The following LARP4B variants were observed in gnomAD, a reference collection of about 807,000 sequenced individuals.
LARP4B encodes the protein la-related protein 4B.
LARP4B carries 12 observed loss-of-function variants against 89.8 expected under a neutral mutation model. That is an observed-to-expected ratio of 0.13 (90% CI 0.09 to 0.22). The LOEUF is 0.22. Among genes scored for constraint, LARP4B ranks in the 10% least tolerant of loss-of-function variants. The pLI is 1.00. For synonymous variants in LARP4B, 367 were observed against 363.3 expected (o/e 1.01, Z -0.12); for missense variants, 757 against 947.7 (o/e 0.80, Z 2.64).
At chr10:928,712 G>C (rs1837221586) in intron 1 of LARP4B, among the ~76,000 whole-genome samples, 1 of 152,094 alleles carries the variant, frequency 6.6e-6, no homozygotes, top group Non-Finnish European at 1.5e-5. Context: ...TTCTCCAACA[G>C]CTGGACTACA....
the LARP4B span, chr10:986,922 AGAGT>A: frequency 7.2e-6 from 1 of 139,080 alleles, no homozygotes; most frequent in South Asian, 2.6e-4. Flanking sequence ...CCTGCGCGAC[AGAGT>A]GAGATTCCGT....
At chr10:984,445 C>G in the LARP4B span, among the ~76,000 whole-genome samples, 1 of 152,114 alleles carries the variant, frequency 6.6e-6, no homozygotes, top group Admixed American at 6.5e-5. Flanking sequence ...CAGCAGAATG[C>G]AAAGAATGTT....
At chr10:938,171 A>C in the LARP4B span, among the ~76,000 whole-genome samples, 2 of 151,958 alleles carry the variant, frequency 1.3e-5, no homozygotes, top group South Asian at 2.1e-4. Flanking sequence ...GGTGTGAGCC[A>C]CTACGGCCAG....
At chr10:971,385 C>A in the LARP4B span, 31,852 of 152,078 alleles carry the variant, frequency 0.21, 3,370 homozygotes, top group East Asian at 0.28. Context: ...GAATGTGGAA[C>A]TGAATCGCAG....
At chr10:972,912 C>T in the LARP4B span, 4 of 454,824 alleles carry the variant, frequency 8.8e-6, no homozygotes, top group East Asian at 1.4e-4. Flanking sequence ...TGAGCCACAT[C>T]GAGTTTTCTG....
chr10:850,126 T>G (rs1008841863), intron 5 of LARP4B, among the ~76,000 whole-genome samples: 1 of 152,204 alleles, frequency 6.6e-6, no homozygotes, highest in Admixed American at 6.5e-5. Flanking sequence ...ATATGGGAAT[T>G]CTGTGTGTTC....
chr10:938,037 A>C, the LARP4B span, among the ~76,000 whole-genome samples: 1 of 151,402 alleles, frequency 6.6e-6, no homozygotes, highest in Non-Finnish European at 1.5e-5. Flanking sequence ...GGCACGCACC[A>C]CCACACCTGG....
chr10:962,113 C>T, the LARP4B span, among the ~76,000 whole-genome samples: 5 of 151,768 alleles, frequency 3.3e-5, no homozygotes, highest in Admixed American at 6.6e-5. Flanking sequence ...GCCAACGTGG[C>T]GAAACCCCAT....
At chr10:847,161 A>C (rs1186723401) in intron 5 of LARP4B, among the ~76,000 whole-genome samples, 1 of 152,144 alleles carries the variant, frequency 6.6e-6, no homozygotes, top group Non-Finnish European at 1.5e-5. Context: ...AGACAGCTGA[A>C]GTGTTCTACA....
At chr10:862,909 A>G (rs1252412932) in intron 5 of LARP4B, among the ~76,000 whole-genome samples, 2 of 152,168 alleles carry the variant, frequency 1.3e-5, no homozygotes, top group Admixed American at 6.5e-5. Flanking sequence ...ACAACCCTAC[A>G]TGAGAACAAC....
chr10:853,594 G>C (rs1564407182), intron 5 of LARP4B, among the ~76,000 whole-genome samples: 1 of 152,220 alleles, frequency 6.6e-6, no homozygotes, highest in Non-Finnish European at 1.5e-5. Flanking sequence ...TGAGGCACAA[G>C]AATCACTTGA....
At chr10:903,796 TACTC>T (rs754700648) in intron 1 of LARP4B, among the ~76,000 whole-genome samples, 52 of 152,336 alleles carry the variant, frequency 3.4e-4, no homozygotes, top group Non-Finnish European at 6.5e-4. Context: ...AAATACATAA[TACTC>T]AAAGAGTAAG....
At chr10:901,941 C>A (rs969830783) in intron 1 of LARP4B, among the ~76,000 whole-genome samples, 2 of 152,178 alleles carry the variant, frequency 1.3e-5, no homozygotes, top group Admixed American at 6.5e-5. Context: ...AAAGTACCTA[C>A]ATGAGAAGAC....
intron 3 of LARP4B, chr10:869,926 AATAATAATAATAATAATAATAAT>A: frequency 5.7e-6 from 1 of 174,486 alleles, no homozygotes; most frequent in Non-Finnish European, 1.1e-5. Context: ...TAATAATAAT[AATAATAATAATAATAATAATAAT>A]AAATTAAAAT....
chr10:909,098 T>A (rs184575401), intron 1 of LARP4B, among the ~76,000 whole-genome samples: 2 of 151,864 alleles, frequency 1.3e-5, no homozygotes, highest in Admixed American at 6.6e-5. Flanking sequence ...ATCAAGATCA[T>A]CCTGGCTAAC....
chr10:827,566 C>T (rs1588867970), intron 11 of LARP4B, among the ~76,000 whole-genome samples: 2 of 152,184 alleles, frequency 1.3e-5, no homozygotes, highest in South Asian at 2.1e-4. Flanking sequence ...TAAAAGGCTG[C>T]GATGGAGAGC....
downstream of LARP4B, chr10:809,422 T>C (rs1339792270): frequency 1.3e-5 from 2 of 152,178 alleles, no homozygotes; most frequent in African/African-American, 4.8e-5. Flanking sequence ...GGCTTTAGGA[T>C]CCAATCATAT....
At chr10:973,665 C>T in the LARP4B span, among the ~76,000 whole-genome samples, 1 of 152,126 alleles carries the variant, frequency 6.6e-6, no homozygotes, top group Non-Finnish European at 1.5e-5. Context: ...GAACTTTTAA[C>T]ATACTTCCCT....
the LARP4B span, among the ~76,000 whole-genome samples, chr10:963,317 C>A: frequency 6.6e-6 from 1 of 152,212 alleles, no homozygotes; most frequent in Admixed American, 6.5e-5. Context: ...CTCACCCCAT[C>A]ATCTTCTTTC....
Sources: gnomAD v4.1 joint callset for allele counts (sites outside exome capture counted in the v4.1 genomes callset) on GRCh38, gnomAD v4.1.1 for gene constraint, MANE v1.5 for transcripts, NCBI Gene and HGNC (gene_info 2026-07-23, HGNC 2026-07-21) for gene names.